SRGAP2B: variants seen among roughly 807,000 people sequenced by gnomAD.
SRGAP2B encodes SLIT-ROBO Rho GTPase activating protein 2B.
SRGAP2B carries 9 observed loss-of-function variants against 22.2 expected under a neutral mutation model. The ratio of observed to expected loss-of-function variants is 0.41; its 90% CI spans 0.24 to 0.71. The LOEUF (loss-of-function observed/expected upper bound fraction) is 0.71. Among genes scored for constraint, SRGAP2B ranks in the 30% least tolerant of loss-of-function variants. The pLI is 0.35. For synonymous variants in SRGAP2B, 36 were observed against 87.4 expected (o/e 0.41, Z 3.28); for missense variants, 114 against 235.8 (o/e 0.48, Z 3.38).
At position 145,061,761 on chromosome 1, in the gene SRGAP2B, ATTTT is replaced by A. The variant is rs1296857759; in HGVS notation, c.67+31070_67+31073del. On this transcript the variant is annotated intron_variant, in intron 2 of 9. Coordinates refer to ENST00000612199, the Ensembl canonical transcript of SRGAP2B. ...TGCCACCCACCTAGCTAATTTTTGT[ATTTT>A]TTTTTTTTTAGTAGAGACGGGGTTT... Among the ~76,000 whole-genome samples, 3 of 132,006 alleles carry A rather than the reference ATTTT, an allele frequency of 2.3e-5. 1 individual carries two copies. The highest frequency in any genetic ancestry group is 4.9e-5 in the Non-Finnish European group (3 of 61,390). 86.6% of individuals were successfully genotyped at this position (132,006 alleles called of 152,430 possible).
intron 4 of SRGAP2B, among the ~76,000 whole-genome samples, chr1:144,930,750 T>G (rs1296454252): frequency 2.0e-5 from 3 of 148,906 alleles, no homozygotes; most frequent in Non-Finnish European, 4.4e-5. Context: ...CCATACGCTG[T>G]TCATTTCTCC....
chr1:145,007,560 C>T (rs1158428934), intron 2 of SRGAP2B, among the ~76,000 whole-genome samples: 1 of 150,578 alleles, frequency 6.6e-6, no homozygotes, highest in Admixed American at 6.6e-5. Flanking sequence ...ACTGGAGAGG[C>T]CGCAGAGAAA....
chr1:145,035,873 CCTT>C (rs1362218338), intron 2 of SRGAP2B, among the ~76,000 whole-genome samples: 1 of 148,038 alleles, frequency 6.8e-6, no homozygotes, highest in East Asian at 2.0e-4. Flanking sequence ...TTTACTAAAA[CCTT>C]CTTGGGGACT....
intron 2 of SRGAP2B, among the ~76,000 whole-genome samples, chr1:145,017,109 T>C (rs1474439667): frequency 4.3e-5 from 6 of 139,998 alleles, no homozygotes; most frequent in East Asian, 2.1e-4. Context: ...ATAAGTATTT[T>C]AGTAGAGACA....
intron 3 of SRGAP2B, among the ~76,000 whole-genome samples, chr1:144,984,940 G>A (rs1553615680): frequency 1.4e-5 from 2 of 143,124 alleles, no homozygotes; most frequent in Non-Finnish European, 3.0e-5. Flanking sequence ...TCTACTCACT[G>A]TACCTCAAAA....
chr1:144,944,246 A>G (rs1237381887), intron 4 of SRGAP2B, among the ~76,000 whole-genome samples: 2 of 150,650 alleles, frequency 1.3e-5, no homozygotes, highest in Admixed American at 6.6e-5. Flanking sequence ...AAAAAAGTCA[A>G]GAGGAAAATC....
At chr1:145,025,897 C>T (rs1194077290) in intron 2 of SRGAP2B, among the ~76,000 whole-genome samples, 2 of 151,374 alleles carry the variant, frequency 1.3e-5, no homozygotes, top group African/African-American at 4.9e-5. Flanking sequence ...GAGCACTATC[C>T]TGAACGCTTT....
chr1:145,016,790 A>G lies in SRGAP2B; in HGVS notation c.68-21590T>C, dbSNP rs1394192393. Reference sequence around the variant, plus strand: ...AAGTTATTAGTAATTTTAAAAATCAATGAGAATGTAAAAGCAAAGTGTTAC... The same window carrying G: ...AAGTTATTAGTAATTTTAAAAATCAGTGAGAATGTAAAAGCAAAGTGTTAC... On this transcript the variant is annotated intron_variant, in intron 2 of 9. Transcript: ENST00000612199. Among the ~76,000 whole-genome samples, 3 of 148,464 alleles carry G rather than the reference A, an allele frequency of 2.0e-5. 1 individual carries two copies. Among genetic ancestry groups the G allele is most frequent in the African/African-American group, 5.1e-5 (2 of 38,952 alleles).
At chr1:145,023,007 A>C (rs1553624375) in intron 2 of SRGAP2B, among the ~76,000 whole-genome samples, 1 of 149,866 alleles carries the variant, frequency 6.7e-6, no homozygotes, top group African/African-American at 2.5e-5. Context: ...TCTACTAAAA[A>C]TACAAAAATT....
intron 2 of SRGAP2B, among the ~76,000 whole-genome samples, chr1:145,022,927 G>A (rs1356414667): frequency 1.3e-5 from 2 of 149,514 alleles, no homozygotes; most frequent in African/African-American, 5.1e-5. Flanking sequence ...AGCACTTTGG[G>A]AGGCCCAGGC....
At chr1:144,976,364 AAT>A (rs1328261968) in intron 3 of SRGAP2B, among the ~76,000 whole-genome samples, 1 of 142,602 alleles carries the variant, frequency 7.0e-6, no homozygotes, top group East Asian at 2.0e-4. Flanking sequence ...CATAGGCTTT[AAT>A]ATATATAAAT....
chr1:144,936,537 G>A (rs1401106149), intron 4 of SRGAP2B, among the ~76,000 whole-genome samples: 307 of 150,238 alleles, frequency 2.0e-3, no homozygotes, highest in African/African-American at 6.9e-3. Context: ...GCATAGCCCC[G>A]AGCTATGTGG....
intron 3 of SRGAP2B, among the ~76,000 whole-genome samples, chr1:144,965,702 A>T (rs1443723723): frequency 7.5e-6 from 1 of 133,872 alleles, no homozygotes; most frequent in East Asian, 2.1e-4. Flanking sequence ...GAGCTATGGG[A>T]GCACATTCAA....
intron 2 of SRGAP2B, among the ~76,000 whole-genome samples, chr1:145,058,090 G>A (rs12239209): frequency 2.0e-5 from 3 of 149,408 alleles, no homozygotes; most frequent in East Asian, 2.0e-4. Context: ...TATGGGAAAC[G>A]CATAGGCTTT....
At chr1:144,963,909 G>A (rs1389758042) in intron 3 of SRGAP2B, among the ~76,000 whole-genome samples, 9 of 150,732 alleles carry the variant, frequency 6.0e-5, no homozygotes, top group Non-Finnish European at 1.2e-4. Flanking sequence ...CCACTGAGAA[G>A]AAAGGGTATC....
At chr1:145,030,718 AAAAATAT>A (rs1187675536) in intron 2 of SRGAP2B, among the ~76,000 whole-genome samples, 1 of 59,008 alleles carries the variant, frequency 1.7e-5, no homozygotes, top group South Asian at 5.6e-4. Context: ...AAAAAAAAAA[AAAAATAT>A]ATATATATAT....
intron 2 of SRGAP2B, among the ~76,000 whole-genome samples, chr1:145,058,153 G>C (rs1553630751): frequency 6.7e-6 from 1 of 149,640 alleles, no homozygotes. Context: ...GTGTGACCAT[G>C]AGCACGTATC....
chr1:144,958,425 A>G (rs1282310443), intron 3 of SRGAP2B, among the ~76,000 whole-genome samples: 8 of 148,904 alleles, frequency 5.4e-5, no homozygotes, highest in African/African-American at 1.8e-4. Context: ...TGGGAGGCCA[A>G]GGCAGGTGGA....
chr1:144,964,848 G>A (rs1388585058), intron 3 of SRGAP2B, among the ~76,000 whole-genome samples: 4 of 151,260 alleles, frequency 2.6e-5, no homozygotes, highest in South Asian at 2.1e-4. Context: ...GAGCCCAGGA[G>A]CTTGAGGCCA....
Sources: gnomAD v4.1 joint callset for allele counts (sites outside exome capture counted in the v4.1 genomes callset) on GRCh38, gnomAD v4.1.1 for gene constraint, MANE v1.5 for transcripts, NCBI Gene and HGNC (gene_info 2026-07-23, HGNC 2026-07-21) for gene names.